The following IL1RAPL1 variants were observed in gnomAD, a reference collection of about 807,000 sequenced individuals.
IL1RAPL1 encodes interleukin-1 receptor accessory protein-like 1.
In IL1RAPL1, 3 loss-of-function variants were observed where a neutral mutation model predicts 48.4. The ratio of observed to expected loss-of-function variants is 0.06; its 90% CI spans 0.03 to 0.16. IL1RAPL1 has a LOEUF of 0.16. IL1RAPL1 is among the 10% of genes least tolerant of loss of function. The pLI, the probability that IL1RAPL1 is intolerant of heterozygous loss-of-function variation, is 1.00. For missense variants in IL1RAPL1, 349 were observed against 530.6 expected, an observed-to-expected ratio of 0.66 and a Z score of 3.36; for synonymous variants, 185 against 187.7, an observed-to-expected ratio of 0.99 and a Z score of 0.12.
chrX:29,155,369 A>G (rs1197280164), intron 2 of IL1RAPL1, among the ~76,000 whole-genome samples: 2 of 112,012 alleles, frequency 1.8e-5, no homozygotes, highest in Non-Finnish European at 1.9e-5. Flanking sequence ...GAGTTGAAAT[A>G]CATTGAATGA....
chrX:29,384,081 TA>T (rs748295174), intron 3 of IL1RAPL1, among the ~76,000 whole-genome samples: 1 of 112,346 alleles, frequency 8.9e-6, no homozygotes, highest in Non-Finnish European at 1.9e-5. Context: ...TAATGTGGAT[TA>T]AACACTTAGA....
intron 2 of IL1RAPL1, among the ~76,000 whole-genome samples, chrX:29,092,855 T>G (rs1928121865): frequency 8.9e-6 from 1 of 112,117 alleles, no homozygotes; most frequent in Admixed American, 9.5e-5. Flanking sequence ...AAACATCATT[T>G]AACTAGTTAT....
In IL1RAPL1 at chrX:29,246,647, G is replaced by A. The variant is rs762111060; in HGVS notation, c.83-36291G>A. 5.4e-5 allele frequency among the ~76,000 whole-genome samples: 6 copies of A among 111,919 alleles called. No individual in the cohort carries two copies. In the East Asian group the frequency reaches 1.4e-3, roughly 26 times the overall value. On this transcript the variant is annotated intron_variant, in intron 2 of 10. Coordinates refer to ENST00000378993, the MANE Select transcript of IL1RAPL1 (RefSeq NM_014271.4). ...CATCAGAGAATACTTTTGCTTTCAAGTAGGAAATCAAATAATCATAGCATA... is the reference window on the plus strand; with the variant it reads ...CATCAGAGAATACTTTTGCTTTCAAATAGGAAATCAAATAATCATAGCATA...
At chrX:29,214,485 G>C (rs1034021366) in intron 2 of IL1RAPL1, among the ~76,000 whole-genome samples, 1 of 111,443 alleles carries the variant, frequency 9.0e-6, no homozygotes, top group Non-Finnish European at 1.9e-5. Context: ...GTGCATAGGA[G>C]TATATTGTAG....
intron 8 of IL1RAPL1, among the ~76,000 whole-genome samples, chrX:29,925,225 A>G (rs1932876244): frequency 9.1e-6 from 1 of 110,333 alleles, no homozygotes; most frequent in Non-Finnish European, 1.9e-5. Flanking sequence ...ATGACCCATT[A>G]AAAGCTGAGC....
intron 6 of IL1RAPL1, among the ~76,000 whole-genome samples, chrX:29,718,362 C>G (rs1346629824): frequency 9.2e-6 from 1 of 108,759 alleles, no homozygotes; most frequent in African/African-American, 3.4e-5. Context: ...AGATCAGAAA[C>G]CCAAACACCA....
intron 2 of IL1RAPL1, among the ~76,000 whole-genome samples, chrX:28,954,799 C>T (rs750568838): frequency 9.0e-5 from 10 of 111,049 alleles, no homozygotes; most frequent in African/African-American, 1.6e-4. Flanking sequence ...AATGACTAGG[C>T]AAAACAAGTG....
At chrX:29,537,781 G>A (rs1163505871) in intron 5 of IL1RAPL1, among the ~76,000 whole-genome samples, 1 of 111,363 alleles carries the variant, frequency 9.0e-6, no homozygotes, top group Non-Finnish European at 1.9e-5. Context: ...CATGTTGAAG[G>A]AGGCAAGAAG....
At chrX:29,069,664 CACACA>C (rs1927523272) in intron 2 of IL1RAPL1, among the ~76,000 whole-genome samples, 1 of 109,864 alleles carries the variant, frequency 9.1e-6, no homozygotes, top group African/African-American at 3.3e-5. Flanking sequence ...CACACACACA[CACACA>C]CCCCTCCCCT....
intron 5 of IL1RAPL1, among the ~76,000 whole-genome samples, chrX:29,449,780 C>CACACACACACACAGAG (rs557765024): frequency 1.7e-5 from 1 of 58,277 alleles, no homozygotes; most frequent in African/African-American, 7.5e-5. Flanking sequence ...CACACACACA[C>CACACACACACACAGAG]AGAGAGAGAG....
chrX:28,873,455 G>T, intron 2 of IL1RAPL1, among the ~76,000 whole-genome samples: 1 of 106,526 alleles, frequency 9.4e-6, no homozygotes, highest in Middle Eastern at 5.0e-3. Flanking sequence ...GTGCCATAAG[G>T]ATATGAGTTA....
chrX:28,680,094 A>G (rs1434333102), intron 1 of IL1RAPL1, among the ~76,000 whole-genome samples: 1 of 111,919 alleles, frequency 8.9e-6, no homozygotes, highest in East Asian at 2.8e-4. Context: ...ATCAATGAAC[A>G]CAGGACATCA....
intron 8 of IL1RAPL1, 148 bp downstream of exon 8, chrX:29,920,242 C>T: frequency 4.6e-6 from 3 of 655,914 alleles, no homozygotes; most frequent in Non-Finnish European, 7.0e-6. Context: ...GCCACCGAGG[C>T]AAACAGCACA....
intron 5 of IL1RAPL1, among the ~76,000 whole-genome samples, chrX:29,551,799 A>G (rs1921825319): frequency 1.1e-5 from 1 of 87,044 alleles, no homozygotes; most frequent in African/African-American, 4.4e-5. Flanking sequence ...CCCTCCCAGC[A>G]TCTCTCAACC....
At chrX:28,915,485 C>A (rs938336090) in intron 2 of IL1RAPL1, among the ~76,000 whole-genome samples, 4 of 111,886 alleles carry the variant, frequency 3.6e-5, no homozygotes, top group African/African-American at 1.3e-4. Context: ...TTAAAAATAA[C>A]GTTTATTGAA....
intron 1 of IL1RAPL1, among the ~76,000 whole-genome samples, chrX:28,764,588 T>C (rs1354743177): frequency 9.0e-6 from 1 of 111,275 alleles, no homozygotes; most frequent in Non-Finnish European, 1.9e-5. Context: ...TTAACAGACA[T>C]ATTCTATGTG....
intron 5 of IL1RAPL1, among the ~76,000 whole-genome samples, chrX:29,562,491 A>C (rs1307524419): frequency 9.0e-6 from 1 of 111,435 alleles, no homozygotes; most frequent in East Asian, 2.8e-4. Context: ...AGAAAAAAGT[A>C]TAAAATTATG....
At chrX:29,491,829 CCTGT>C (rs1204092009) in intron 5 of IL1RAPL1, among the ~76,000 whole-genome samples, 2 of 110,859 alleles carry the variant, frequency 1.8e-5, no homozygotes, top group Non-Finnish European at 3.8e-5. Flanking sequence ...AAGTCTGTAT[CCTGT>C]CTATCACCTT....
chrX:29,110,612 AT>A (rs770710217), intron 2 of IL1RAPL1, among the ~76,000 whole-genome samples: 2 of 111,826 alleles, frequency 1.8e-5, no homozygotes, highest in Admixed American at 9.5e-5. Flanking sequence ...TATTGCGAAA[AT>A]TGTAATGCTG....
Sources: gnomAD v4.1 joint callset for allele counts (sites outside exome capture counted in the v4.1 genomes callset) on GRCh38, gnomAD v4.1.1 for gene constraint, MANE v1.5 for transcripts, NCBI Gene and HGNC (gene_info 2026-07-23, HGNC 2026-07-21) for gene names.